The following IGFBP7 variants were observed in gnomAD, a reference collection of about 807,000 sequenced individuals.
The protein encoded by IGFBP7 is insulin like growth factor binding protein 7, also known as insulin-like growth factor-binding protein 7.
IGFBP7 carries 31 observed loss-of-function variants against 29.4 expected under a neutral mutation model. The observed-to-expected ratio is 1.05, with a 90% CI of 0.79 to 1.42. The LOEUF is 1.42. Among genes scored for constraint, IGFBP7 ranks in the 40% most tolerant of loss-of-function variants. The pLI is 0.00. For synonymous variants in IGFBP7, 172 were observed against 174.9 expected (o/e 0.98, Z 0.13); for missense variants, 393 against 395.5 (o/e 0.99, Z 0.05).
At chr4:57,086,592 G>A (rs1353786755) in intron 1 of IGFBP7, among the ~76,000 whole-genome samples, 4 of 152,044 alleles carry the variant, frequency 2.6e-5, no homozygotes, top group Non-Finnish European at 4.4e-5. Context: ...TTATATTTTG[G>A]CATTTGTGGG....
At chr4:57,038,443 C>T (rs903287972) in intron 2 of IGFBP7, among the ~76,000 whole-genome samples, 1 of 152,156 alleles carries the variant, frequency 6.6e-6, no homozygotes, top group African/African-American at 2.4e-5. Context: ...GCCCTTGAGG[C>T]TGGATCCCGC....
rs915550025 is a variant in IGFBP7, at chr4:57,107,547, C to T, written c.475+2330G>A. ...TTTAGGGGATGTGATAGGGATCAGTCTATTGTCTCTGCTGTGGAAAGTTTC... is the reference window on the plus strand; with the variant it reads ...TTTAGGGGATGTGATAGGGATCAGTTTATTGTCTCTGCTGTGGAAAGTTTC... On this transcript the variant is annotated intron_variant, in intron 1 of 4. Coordinates refer to ENST00000295666, the MANE Select transcript of IGFBP7 (RefSeq NM_001553.3). 4.6e-5 allele frequency among the ~76,000 whole-genome samples: 7 copies of T among 152,266 alleles called. 1 individual carries two copies. In the South Asian group the frequency reaches 1.5e-3, roughly 32 times the overall value.
At chr4:57,103,597 G>A (rs541227087) in intron 1 of IGFBP7, among the ~76,000 whole-genome samples, 1 of 146,256 alleles carries the variant, frequency 6.8e-6, no homozygotes, top group African/African-American at 2.5e-5. Flanking sequence ...ACACTTTTTT[G>A]TGTGTGTGGT....
intron 1 of IGFBP7, among the ~76,000 whole-genome samples, chr4:57,105,741 A>G (rs987594282): frequency 6.6e-6 from 1 of 152,160 alleles, no homozygotes; most frequent in Non-Finnish European, 1.5e-5. Context: ...TGCCTCTTAT[A>G]TACAGATACA....
intron 4 of IGFBP7, 151 bp from the exon 5 acceptor site, chr4:57,031,487 G>C: frequency 1.5e-6 from 1 of 657,546 alleles, no homozygotes; most frequent in Admixed American, 2.6e-5. Context: ...TGATATGCTG[G>C]AGTGCTCTGT....
At chr4:57,057,484 A>T (rs1474492446) in intron 1 of IGFBP7, among the ~76,000 whole-genome samples, 3 of 152,226 alleles carry the variant, frequency 2.0e-5, no homozygotes, top group African/African-American at 7.2e-5. Flanking sequence ...TTGTTTATGT[A>T]AATGAAAATA....
At chr4:57,040,452 AC>A (rs1459461843) in intron 2 of IGFBP7, among the ~76,000 whole-genome samples, 1 of 152,184 alleles carries the variant, frequency 6.6e-6, no homozygotes, top group African/African-American at 2.4e-5. Flanking sequence ...AGAGAAACGT[AC>A]GCTTTTAACC....
At chr4:57,054,375 C>T (rs1724588562) in intron 1 of IGFBP7, among the ~76,000 whole-genome samples, 2 of 152,068 alleles carry the variant, frequency 1.3e-5, no homozygotes, top group Admixed American at 6.5e-5. Flanking sequence ...TGGCTCATGC[C>T]CGTAATCCCA....
At chr4:57,067,425 C>A (rs939621945) in intron 1 of IGFBP7, among the ~76,000 whole-genome samples, 3 of 152,016 alleles carry the variant, frequency 2.0e-5, no homozygotes, top group African/African-American at 7.3e-5. Flanking sequence ...GGACATTATG[C>A]TAAAAGAAAG....
At chr4:57,044,822 A>G (rs1724319676) in intron 1 of IGFBP7, among the ~76,000 whole-genome samples, 2 of 152,204 alleles carry the variant, frequency 1.3e-5, no homozygotes, top group South Asian at 2.1e-4. Context: ...TTCCCCCCCA[A>G]TCATCTTACT....
intron 1 of IGFBP7, among the ~76,000 whole-genome samples, chr4:57,051,514 T>C (rs2109755100): frequency 6.6e-6 from 1 of 152,358 alleles, no homozygotes; most frequent in Admixed American, 6.5e-5. Context: ...TTTATAATAA[T>C]GGGACCCTGC....
At chr4:57,108,009 A>G (rs1411361848) in intron 1 of IGFBP7, among the ~76,000 whole-genome samples, 2 of 152,256 alleles carry the variant, frequency 1.3e-5, no homozygotes, top group African/African-American at 2.4e-5. Flanking sequence ...AAAAAACTAT[A>G]AAGTTCCCCA....
chr4:57,031,060 T>G lies in IGFBP7; in HGVS notation c.*257A>C. 1.1e-6 allele frequency: 1 copy of G among 938,052 alleles called. No individual in the cohort carries two copies. The allele number at this position is 938,052 out of a possible 1,614,324, so 58.1% of individuals were successfully genotyped here. A position where few individuals can be genotyped will look rare whatever the true frequency, so the allele number is the denominator to read the frequency against. On this transcript the variant is annotated 3_prime_UTR_variant, in exon 5 of 5. Transcript: ENST00000295666. ...TTTCTATTGTGTGGCTTTTTAAAAA[T>G]GACAAATATGTACTGTGTTGTGATA...
Position 57,110,340 on chromosome 4 carries a change from C to T in IGFBP7, c.12G>A (p.Pro4=), listed in dbSNP as rs1180081117. The stretch of plus-strand genomic sequence containing the variant: ...CGCCGAGGAGCAGGGCGCGCAGCGA[C>T]GGCCGCTCCATGGCGGGGTGCGGTG... MER[P]SLRALLLGAA... The change falls in exon 1 of 5, where the codon CCG becomes CCA. Residue 4 remains proline, a synonymous_variant. Coordinates refer to ENST00000295666, the MANE Select transcript of IGFBP7 (RefSeq NM_001553.3). The T allele has an allele frequency of 7.2e-7, 1 of 1,379,834 alleles. No individual in the cohort carries two copies. The allele number at this position is 1,379,834 out of a possible 1,614,324, so 85.5% of individuals were successfully genotyped here.
chr4:57,049,707 TG>T (rs1321702517), intron 1 of IGFBP7, among the ~76,000 whole-genome samples: 4 of 152,208 alleles, frequency 2.6e-5, no homozygotes, highest in Non-Finnish European at 4.4e-5. Flanking sequence ...TTTCCTTAGC[TG>T]GCCTAATTGA....
chr4:57,051,679 T>A (rs1278242325), intron 1 of IGFBP7, among the ~76,000 whole-genome samples: 1 of 152,170 alleles, frequency 6.6e-6, no homozygotes, highest in Non-Finnish European at 1.5e-5. Flanking sequence ...GGACTTGGAA[T>A]CAGGAATTCT....
At chr4:57,097,337 G>T (rs1184831177) in intron 1 of IGFBP7, among the ~76,000 whole-genome samples, 1 of 152,226 alleles carries the variant, frequency 6.6e-6, no homozygotes, top group Non-Finnish European at 1.5e-5. Flanking sequence ...TGGACTCTGG[G>T]ATCTTCCAAG....
At chr4:57,053,063 C>G (rs1246290347) in intron 1 of IGFBP7, among the ~76,000 whole-genome samples, 2 of 150,146 alleles carry the variant, frequency 1.3e-5, no homozygotes, top group African/African-American at 4.9e-5. Flanking sequence ...GTCGCCCAGG[C>G]TGGAGTGCAG....
At chr4:57,047,761 G>T (rs571748133) in intron 1 of IGFBP7, among the ~76,000 whole-genome samples, 30 of 152,022 alleles carry the variant, frequency 2.0e-4, no homozygotes, top group Non-Finnish European at 4.0e-4. Context: ...TTAGAGACTG[G>T]GTCTTCTCTG....
Sources: allele counts gnomAD v4.1 joint callset (sites outside exome capture counted in the v4.1 genomes callset), GRCh38; gene constraint gnomAD v4.1.1; transcripts MANE v1.5; gene names NCBI Gene and HGNC (gene_info 2026-07-23, HGNC 2026-07-21).